Variants in IFT140 observed in about 807,000 individuals in gnomAD.
The protein encoded by IFT140 is intraflagellar transport protein 140 homolog.
A neutral mutation model predicts 164.6 loss-of-function variants in IFT140; 133 were observed. That is an observed-to-expected ratio of 0.81 (90% confidence interval 0.70 to 0.93). The LOEUF (loss-of-function observed/expected upper bound fraction) is 0.93, where lower values mean the gene tolerates loss of function less well. Ranked by LOEUF, IFT140 falls within the 40% of genes least tolerant of loss-of-function variation. IFT140 has a pLI of 0.00. For missense variants in IFT140, 2,045 were observed against 1,972.3 expected (o/e 1.04, Z -0.70); for synonymous variants, 860 against 817.3 (o/e 1.05, Z -0.89).
At chr16:1,574,640 CCT>C (rs1227544916) in intron 13 of IFT140, among the ~76,000 whole-genome samples, 1 of 152,094 alleles carries the variant, frequency 6.6e-6, no homozygotes, top group Non-Finnish European at 1.5e-5. Flanking sequence ...CAAAATGTAC[CCT>C]GTCACTCCTA....
intron 19 of IFT140, among the ~76,000 whole-genome samples, chr16:1,538,248 TG>T (rs2031276831): frequency 1.3e-5 from 2 of 152,050 alleles, no homozygotes; most frequent in African/African-American, 4.8e-5. Context: ...GAGTGGCTTG[TG>T]GGGCACGGCT....
In IFT140 at chr16:1,584,236, C is replaced by T. The variant is rs757534117; in HGVS notation, c.1340G>A (p.Ser447Asn). Residue 447 changes from serine (S) to asparagine (N), a missense_variant, in exon 11 of 31, where the codon AGT becomes AAT. Coordinates refer to ENST00000426508, the MANE Select transcript of IFT140 (RefSeq NM_014714.4). ...AGTCACCTTGGTGGCAAACACTCCA[C>T]TGATGTGCATGTCGGTGCGCAGGCT... ...AHSLRTDMHI[S>N]GVFATKDAVA... The T allele has an allele frequency of 6.2e-7, 1 of 1,613,674 alleles. No homozygotes were observed. The highest frequency in any genetic ancestry group is 8.5e-7 in the Non-Finnish European group (1 of 1,179,990).
chr16:1,519,137 C>T lies in IFT140; in HGVS notation c.4040+744G>A, dbSNP rs371381939. ...CTCAGCTCAGCAGACATCTGTGAGA[C>T]GCTGATACCCCAGAATCGACACGTG... On this transcript the variant is annotated intron_variant, in intron 29 of 30. Coordinates refer to ENST00000426508, the MANE Select transcript of IFT140 (RefSeq NM_014714.4). 1.1e-4 allele frequency among the ~76,000 whole-genome samples: 17 copies of T among 152,352 alleles called. No individual in the cohort carries two copies. The East Asian group carries it at 2.1e-3, about 19-fold the overall frequency.
intron 19 of IFT140, among the ~76,000 whole-genome samples, chr16:1,555,924 A>G (rs1297949764): frequency 1.3e-5 from 2 of 152,044 alleles, no homozygotes; most frequent in Non-Finnish European, 2.9e-5. Flanking sequence ...CAACATAGTG[A>G]AACCCTGTCT....
intron 30 of IFT140, 136 bp from the exon 31 acceptor site, chr16:1,511,286 A>G: frequency 2.6e-6 from 2 of 776,692 alleles, no homozygotes; most frequent in South Asian, 3.0e-5. Flanking sequence ...GGGTGCACTG[A>G]GGCTTCCCAT....
intron 19 of IFT140, chr16:1,554,805 G>A (rs778455948): frequency 3.1e-6 from 5 of 1,614,176 alleles, no homozygotes; most frequent in East Asian, 2.2e-5. Flanking sequence ...CATCGGGCTC[G>A]TGACTTTCTA....
intron 21 of IFT140, 108 bp downstream of exon 21, chr16:1,525,779 G>T: frequency 1.8e-6 from 2 of 1,132,424 alleles, no homozygotes; most frequent in Non-Finnish European, 2.4e-6. Flanking sequence ...TGAGACAGAC[G>T]CCTCCTCTAA....
At chr16:1,598,467 AC>A (rs2035577038) in intron 4 of IFT140, among the ~76,000 whole-genome samples, 1 of 152,160 alleles carries the variant, frequency 6.6e-6, no homozygotes, top group African/African-American at 2.4e-5. Flanking sequence ...CAAAAAAAAA[AC>A]AGAAACACAA....
Position 1,526,087 on chromosome 16 carries a change from G to A in IFT140, c.2578-10C>T, listed in dbSNP as rs2040686218. The A allele has an allele frequency of 3.2e-6, 5 of 1,574,302 alleles. No individual in the cohort carries two copies. The highest frequency in any genetic ancestry group is 4.3e-6 in the Non-Finnish European group (5 of 1,159,974). On this transcript the variant is annotated splice_polypyrimidine_tract_variant and intron_variant, in intron 20 of 30. Transcript: ENST00000426508. ...GCTGCTCGGCGTCCTCCTGAGGAAT[G>A]AGGATGGGCAGGTGTCGTGCAGCCT...
chr16:1,566,940 G>T (rs2033751850), intron 15 of IFT140, among the ~76,000 whole-genome samples: 1 of 152,044 alleles, frequency 6.6e-6, no homozygotes, highest in African/African-American at 2.4e-5. Flanking sequence ...TCCTCCTTGG[G>T]GACATCCTCT....
Position 1,558,094 on chromosome 16 carries a change from C to A in IFT140, c.2240G>T (p.Cys747Phe). ...ADREDEVEPG[C>F]HHIPQMVSRR... ...GGACACCATCTGAGGGATGTGGTGG[C>A]ACCCAGGCTCCACCTCGTCTTCTCT... Residue 747 changes from cysteine to phenylalanine, a missense_variant, in exon 19 of 31, where the codon TGC (cysteine) becomes TTC (phenylalanine). Coordinates refer to ENST00000426508, the MANE Select transcript of IFT140 (RefSeq NM_014714.4). 1.2e-6 allele frequency: 2 copies of A among 1,614,162 alleles called. No homozygotes were observed. Among genetic ancestry groups the A allele is most frequent in the Non-Finnish European group, 1.7e-6 (2 of 1,180,028 alleles).
chr16:1,580,524 C>T, intron 13 of IFT140: 1 of 426,576 alleles, frequency 2.3e-6, no homozygotes, highest in Non-Finnish European at 4.3e-6. Flanking sequence ...ATTCGCCTCC[C>T]ACCAGGATTG....
intron 30 of IFT140, among the ~76,000 whole-genome samples, chr16:1,512,352 A>G (rs571548574): frequency 1.3e-5 from 2 of 152,076 alleles, no homozygotes; most frequent in Admixed American, 1.3e-4. Flanking sequence ...GGGAAAGCTG[A>G]GCGGATATAG....
At chr16:1,518,409 C>T in intron 29 of IFT140, 52 bp from the exon 30 acceptor site, 2 of 1,569,570 alleles carry the variant, frequency 1.3e-6, no homozygotes, top group Middle Eastern at 1.7e-4. Flanking sequence ...ACACCTACTG[C>T]TATCAGAGGT....
chr16:1,518,016 T>G, intron 30 of IFT140, 200 bp downstream of exon 30: 1 of 484,094 alleles, frequency 2.1e-6, no homozygotes, highest in South Asian at 2.6e-5. Flanking sequence ...TTTTCCCCTT[T>G]TTGTAGAGAT....
chr16:1,581,491 T>C (rs1341292601), intron 12 of IFT140, among the ~76,000 whole-genome samples: 1 of 151,262 alleles, frequency 6.6e-6, no homozygotes, highest in Non-Finnish European at 1.5e-5. Flanking sequence ...TCCCACCTAC[T>C]TGGGAGGCTG....
chr16:1,563,585 A>G lies in IFT140; in HGVS notation c.2067+412T>C, dbSNP rs564074898. Among the ~76,000 whole-genome samples, 7 of 152,190 alleles carry G rather than the reference A, an allele frequency of 4.6e-5. No homozygotes were observed. The East Asian group carries it at 1.4e-3, about 30-fold the overall frequency. Reference sequence around the variant, plus strand: ...GTGTGGAGCTGGCCCATGGGCATAAACCTCAAAGAGGAGACACCACACACC... The same window carrying G: ...GTGTGGAGCTGGCCCATGGGCATAAGCCTCAAAGAGGAGACACCACACACC... On this transcript the variant is annotated intron_variant, in intron 17 of 30. Transcript: ENST00000426508.
chr16:1,566,374 A>T lies in IFT140; in HGVS notation c.1771-83T>A. ...GGCTGTGCTAGGGGACTGACACAGC[A>T]CATGTCAAGAGAAACACACCCAGTG... is the stretch of plus-strand genomic sequence containing the variant. On this transcript the variant is annotated intron_variant, in intron 15 of 30. Transcript: ENST00000426508. 5.1e-6 allele frequency: 7 copies of T among 1,381,970 alleles called. No individual in the cohort carries two copies. In the Admixed American group the frequency reaches 1.1e-4, roughly 22 times the overall value. The allele number at this position is 1,381,970 out of a possible 1,614,324, so 85.6% of individuals were successfully genotyped here.
At chr16:1,580,478 C>A in intron 13 of IFT140, 1 of 320,660 alleles carries the variant, frequency 3.1e-6, no homozygotes, top group South Asian at 3.4e-5. Context: ...CTCTCTCTTC[C>A]TCCTGCTCCG....
Sources: gnomAD v4.1 joint callset for allele counts (sites outside exome capture counted in the v4.1 genomes callset) on GRCh38, gnomAD v4.1.1 for gene constraint, MANE v1.5 for transcripts, NCBI Gene and HGNC (gene_info 2026-07-23, HGNC 2026-07-21) for gene names.